PADI1: variants seen among roughly 807,000 people sequenced by gnomAD.
PADI1 encodes the protein peptidyl arginine deiminase 1, also known as protein-arginine deiminase type-1.
A neutral mutation model predicts 74.8 loss-of-function variants in PADI1; 65 were observed. The ratio of observed to expected loss-of-function variants is 0.87; its 90% CI spans 0.71 to 1.07. The LOEUF (loss-of-function observed/expected upper bound fraction) is 1.07, where lower values mean the gene tolerates loss of function less well. Ranked by LOEUF, PADI1 falls within the 50% of genes least tolerant of loss-of-function variation. PADI1 has a pLI of 0.00. For missense variants in PADI1, 943 were observed against 854.0 expected (o/e 1.10, Z -1.30); for synonymous variants, 371 against 336.2 (o/e 1.10, Z -1.13).
intron 1 of PADI1, among the ~76,000 whole-genome samples, chr1:17,219,309 T>TG (rs1553126018): frequency 6.6e-6 from 1 of 151,394 alleles, no homozygotes; most frequent in African/African-American, 2.4e-5. Flanking sequence ...GGGACAGCAG[T>TG]GGGGGGCGAG....
At chr1:17,237,654 T>C (rs12125350) in intron 12 of PADI1, among the ~76,000 whole-genome samples, 196 bp downstream of exon 12, 4,007 of 152,318 alleles carry the variant, frequency 0.026, 82 homozygotes, top group Non-Finnish European at 0.042. Context: ...CCCAAATCCC[T>C]TATCCAATAG....
At position 17,245,624 on chromosome 1, in the gene PADI1, C is replaced by A. The variant is rs2072867136; in HGVS notation, c.*1381C>A. The A allele has an allele frequency of 6.6e-6, 1 of 152,242 alleles. No homozygotes were observed. Among genetic ancestry groups the A allele is most frequent in the African/African-American group, 2.4e-5 (1 of 41,464 alleles). 9.4% of individuals were successfully genotyped at this position (152,242 alleles called of 1,614,324 possible). A position where few individuals can be genotyped will look rare whatever the true frequency, so the allele number is the denominator to read the frequency against. On this transcript the variant is annotated 3_prime_UTR_variant, in exon 16 of 16. Coordinates refer to ENST00000375471, the MANE Select transcript of PADI1 (RefSeq NM_013358.3). The surrounding 1 kb of genome is among the most constrained non-coding windows in gnomAD (Gnocchi z 4.1). The stretch of plus-strand genomic sequence containing the variant: ...TTAACCAACAAAAGCTAGCCTGGAA[C>A]TGCTATGGTTAAAGTGGGTGAGCGG...
chr1:17,206,659 A>G (rs2071689031), intron 1 of PADI1, among the ~76,000 whole-genome samples: 1 of 151,444 alleles, frequency 6.6e-6, no homozygotes, highest in African/African-American at 2.4e-5. Context: ...GTTTAGCTGA[A>G]GCTGAAGTCT....
chr1:17,237,471 C>T lies in PADI1; in HGVS notation c.1458+13C>T, dbSNP rs1557481712. 3 of 1,598,878 alleles carry T rather than the reference C, an allele frequency of 1.9e-6. No individual in the cohort carries two copies. Among genetic ancestry groups the T allele is most frequent in the Non-Finnish European group, 2.6e-6 (3 of 1,172,058 alleles). On this transcript the variant is annotated intron_variant, in intron 12 of 15. Coordinates refer to ENST00000375471, the MANE Select transcript of PADI1 (RefSeq NM_013358.3). ...CTCTGACCAAAAGGTGCGTCCCCTC[C>T]TTCCCTGCCTGAGCCACCTCTGCCC... is the stretch of plus-strand genomic sequence containing the variant.
At chr1:17,226,609 TA>T (rs2072319813) in intron 6 of PADI1, among the ~76,000 whole-genome samples, 1 of 152,130 alleles carries the variant, frequency 6.6e-6, no homozygotes, top group African/African-American at 2.4e-5. Context: ...GAGTTTTTAT[TA>T]ATCAGCCTGT....
Position 17,244,506 on chromosome 1 carries a change from T to A in PADI1, c.*263T>A, listed in dbSNP as rs2072844993. ...GCCCCCAGAGGCTCTAGATCAACAATGTTAGCATGTTCCAGAATGGCTGTG... is the reference window on the plus strand; with the variant it reads ...GCCCCCAGAGGCTCTAGATCAACAAAGTTAGCATGTTCCAGAATGGCTGTG... On this transcript the variant is annotated 3_prime_UTR_variant, in exon 16 of 16. Coordinates refer to ENST00000375471, the MANE Select transcript of PADI1 (RefSeq NM_013358.3). 3.5e-6 allele frequency: 2 copies of A among 568,732 alleles called. No homozygotes were observed. Among genetic ancestry groups the A allele is most frequent in the Non-Finnish European group, 6.7e-6 (2 of 299,644 alleles). 35.2% of individuals were successfully genotyped at this position (568,732 alleles called of 1,614,324 possible).
chr1:17,226,612 T>C (rs1280836432), intron 6 of PADI1, among the ~76,000 whole-genome samples: 1 of 152,160 alleles, frequency 6.6e-6, no homozygotes, highest in Non-Finnish European at 1.5e-5. Context: ...TTTTTATTAA[T>C]CAGCCTGTGG....
At chr1:17,232,762 T>C (rs2072529187) in intron 10 of PADI1, 57 bp from the exon 11 acceptor site, 1 of 1,542,130 alleles carries the variant, frequency 6.5e-7, no homozygotes, top group Admixed American at 1.8e-5. Context: ...AACTGCCTCG[T>C]CCTGTCCTCA....
intron 11 of PADI1, among the ~76,000 whole-genome samples, chr1:17,235,240 AGG>A (rs2072605751): frequency 9.4e-6 from 1 of 105,940 alleles, no homozygotes; most frequent in Non-Finnish European, 2.0e-5. Flanking sequence ...GGAGGGAGGG[AGG>A]GAGAGTGGGA....
In PADI1 at chr1:17,230,594, T is replaced by G; in HGVS notation, c.1076T>G (p.Ile359Ser). ...WIQDEMEFGY[I>S]EAPHKSFPVV... Reference sequence around the variant, plus strand: ...CAGGACGAGATGGAGTTTGGCTACATCGAGGCCCCTCACAAATCCTTCCCC... The same window carrying G: ...CAGGACGAGATGGAGTTTGGCTACAGCGAGGCCCCTCACAAATCCTTCCCC... Residue 359 changes from isoleucine to serine, a missense_variant, in exon 10 of 16, where the codon ATC becomes AGC. Physicochemically the swap from Ile to Ser is moderately radical, Grantham distance 142 (BLOSUM62 -2). Coordinates refer to ENST00000375471, the MANE Select transcript of PADI1 (RefSeq NM_013358.3). The G allele has an allele frequency of 1.9e-6, 3 of 1,611,724 alleles. No individual in the cohort carries two copies. Among genetic ancestry groups the G allele is most frequent in the Non-Finnish European group, 2.5e-6 (3 of 1,178,896 alleles).
At chr1:17,211,115 G>T (rs1264554079) in intron 1 of PADI1, among the ~76,000 whole-genome samples, 1 of 152,210 alleles carries the variant, frequency 6.6e-6, no homozygotes, top group Non-Finnish European at 1.5e-5. Context: ...ACAGGGCCCT[G>T]TGTCCTCTTT....
rs71014924 is a variant in PADI1 at position 17,211,200 on chromosome 1, T to TA, written c.92+5891_92+5892insA. On this transcript the variant is annotated intron_variant, in intron 1 of 15. Coordinates refer to ENST00000375471, the MANE Select transcript of PADI1 (RefSeq NM_013358.3). Reference sequence around the variant, plus strand: ...GTAATGATCATGATGGCAGCCCTGGTTTTTTGTTTTTGTTTTTGTTTTTTT... The same window carrying TA: ...GTAATGATCATGATGGCAGCCCTGGTATTTTTGTTTTTGTTTTTGTTTTTTT... Among the ~76,000 whole-genome samples, 35 of 151,450 alleles carry TA rather than the reference T, an allele frequency of 2.3e-4. No individual in the cohort carries two copies. The South Asian group carries it at 6.5e-3, about 28-fold the overall frequency.
At chr1:17,214,346 C>T (rs1274144045) in intron 1 of PADI1, among the ~76,000 whole-genome samples, 1 of 152,150 alleles carries the variant, frequency 6.6e-6, no homozygotes, top group Admixed American at 6.5e-5. Flanking sequence ...CTGCCCCCCG[C>T]CCCATGACTT....
chr1:17,239,880 G>A, intron 14 of PADI1, 97 bp downstream of exon 14: 1 of 960,392 alleles, frequency 1.0e-6, no homozygotes, highest in South Asian at 1.4e-5. Flanking sequence ...CAGCGCTGGA[G>A]CTCTCATGGT....
At chr1:17,225,788 C>A in intron 4 of PADI1, 23 bp from the exon 5 acceptor site, 1 of 1,593,322 alleles carries the variant, frequency 6.3e-7, no homozygotes, top group Non-Finnish European at 8.6e-7. Flanking sequence ...CCACTGATCC[C>A]AAGGCATCTT....
At chr1:17,229,325 TC>T (rs2072420823) in intron 8 of PADI1, among the ~76,000 whole-genome samples, 1 of 151,170 alleles carries the variant, frequency 6.6e-6, no homozygotes, top group South Asian at 2.1e-4. Context: ...CCCCAGAACA[TC>T]TCAGATTTAG....
rs369250178 is a variant in PADI1 at position 17,225,936 on chromosome 1, A to G, written c.526+8A>G. ...GGCTGATGTCGCTGGCTGGTGAGTG[A>G]CACAAGGTGTTGTCTGGGGAGTGGG... On this transcript the variant is annotated splice_region_variant and intron_variant, in intron 5 of 15. Coordinates refer to ENST00000375471, the MANE Select transcript of PADI1 (RefSeq NM_013358.3). 1.5e-5 allele frequency: 25 copies of G among 1,613,414 alleles called. No homozygotes were observed. The African/African-American group carries it at 2.1e-4, about 14-fold the overall frequency.
chr1:17,223,206 G>A (rs1275073270), intron 2 of PADI1, among the ~76,000 whole-genome samples: 1 of 152,176 alleles, frequency 6.6e-6, no homozygotes, highest in Non-Finnish European at 1.5e-5. Context: ...AAAGCTCCAG[G>A]ACCACTGACT....
chr1:17,215,936 A>G (rs2071966317), intron 1 of PADI1, among the ~76,000 whole-genome samples: 1 of 152,216 alleles, frequency 6.6e-6, no homozygotes, highest in Admixed American at 6.5e-5. Context: ...TTGGGGAACC[A>G]GACTCATGGT....
Sources: gnomAD v4.1 joint callset for allele counts (sites outside exome capture counted in the v4.1 genomes callset) on GRCh38, gnomAD v4.1.1 for gene constraint, Gnocchi (gnomAD v3.1) non-coding constraint, MANE v1.5 for transcripts, NCBI Gene and HGNC (gene_info 2026-07-23, HGNC 2026-07-21) for gene names.